Variants in PIWIL3 observed in about 807,000 individuals in gnomAD.
The protein encoded by PIWIL3 is piwi like RNA-mediated gene silencing 3, also known as piwi-like protein 3.
In PIWIL3, 101 loss-of-function variants were observed where a neutral mutation model predicts 109.7. The ratio of observed to expected loss-of-function variants is 0.92; its 90% CI spans 0.78 to 1.09. PIWIL3 has a LOEUF of 1.09. Among genes scored for constraint, PIWIL3 ranks in the 50% least tolerant of loss-of-function variants. PIWIL3 has a pLI of 0.00. For synonymous variants in PIWIL3, 373 were observed against 376.4 expected (o/e 0.99, Z 0.10); for missense variants, 1,031 against 1,072.6 (o/e 0.96, Z 0.54).
intron 18 of PIWIL3, 143 bp from the exon 19 acceptor site, chr22:24,723,398 A>G (rs1922795182): frequency 1.2e-6 from 1 of 813,636 alleles, no homozygotes; most frequent in East Asian, 2.7e-5. Flanking sequence ...TTTACTGTCT[A>G]AGCTCCATGT....
rs746139476 is a variant in PIWIL3, at chr22:24,719,528, G to A, written c.2566C>T (p.Gln856Ter). 6.2e-7 allele frequency: 1 copy of A among 1,608,050 alleles called. No individual in the cohort carries two copies. The highest frequency in any genetic ancestry group is 2.2e-5 in the East Asian group (1 of 44,836). ...CGATTCGGTTCCTGGTGAATGGACTGCCCCACGAGGTAAGCCAGCTTGTGG... is the reference window on the plus strand; with the variant it reads ...CGATTCGGTTCCTGGTGAATGGACTACCCCACGAGGTAAGCCAGCTTGTGG... Reference protein sequence around the residue: ...YAHKLAYLVGQSIHQEPNRSL... With the variant: ...YAHKLAYLVG The change falls in exon 21 of 21, where the codon CAG becomes TAG. Residue 856 changes from glutamine to a stop codon, truncating the protein, a stop_gained. Transcript: ENST00000616349. LOFTEE classifies it low-confidence loss of function (END_TRUNC).
chr22:24,742,993 T>C (rs1924100681), intron 12 of PIWIL3, among the ~76,000 whole-genome samples: 1 of 152,036 alleles, frequency 6.6e-6, no homozygotes, highest in Admixed American at 6.6e-5. Flanking sequence ...ACTATGCATA[T>C]GATGAAGGAC....
At chr22:24,744,195 A>AAACAAAAAAAC (rs1924204093) in intron 12 of PIWIL3, among the ~76,000 whole-genome samples, 1 of 145,894 alleles carries the variant, frequency 6.9e-6, no homozygotes, top group South Asian at 2.1e-4. Flanking sequence ...AAAAAAAAAA[A>AAACAAAAAAAC]AAAAAAAAAA....
At chr22:24,720,259 G>GT (rs56087060) in intron 19 of PIWIL3, among the ~76,000 whole-genome samples, 2,181 of 105,104 alleles carry the variant, frequency 0.021, 242 homozygotes, top group African/African-American at 0.041. Flanking sequence ...TATTTAAACT[G>GT]TTTTTTTTTT....
At position 24,761,102 on chromosome 22, in the gene PIWIL3, G is replaced by T. The variant is rs1364885182; in HGVS notation, c.103-1113C>A. Among the ~76,000 whole-genome samples, 3 of 152,112 alleles carry T rather than the reference G, an allele frequency of 2.0e-5. No individual in the cohort carries two copies. The South Asian group carries it at 6.2e-4, about 32-fold the overall frequency. ...GGGTATGGCATGCTGGGGAGGGCAG[G>T]TTGGGAGTGTGAGTTGTCCACGGAC... On this transcript the variant is annotated intron_variant, in intron 2 of 20. Transcript: ENST00000616349.
At chr22:24,741,180 G>GAA (rs1923983257) in intron 12 of PIWIL3, among the ~76,000 whole-genome samples, 1 of 152,198 alleles carries the variant, frequency 6.6e-6, no homozygotes, top group Non-Finnish European at 1.5e-5. Context: ...CTCAATAGAT[G>GAA]CAGAAAAAGC....
At chr22:24,744,738 A>C (rs1254387004) in intron 12 of PIWIL3, among the ~76,000 whole-genome samples, 1 of 152,364 alleles carries the variant, frequency 6.6e-6, no homozygotes, top group East Asian at 1.9e-4. Context: ...AGTAACCCAG[A>C]TATATAAAAC....
intron 8 of PIWIL3, among the ~76,000 whole-genome samples, chr22:24,752,999 C>A (rs908102256): frequency 1.3e-5 from 2 of 152,104 alleles, no homozygotes; most frequent in Admixed American, 6.5e-5. Flanking sequence ...CTAATCAGAT[C>A]TTTTGTCCAT....
chr22:24,756,622 CGTT>C lies in PIWIL3; in HGVS notation c.436_438del (p.Asn146del). ...TCTTCTATGTCTGGTTTGTAGTCAA[CGTT>C]GTATTTATATGCAACCCACTGAGGA... On this transcript the variant is annotated inframe_deletion, in exon 5 of 21. Coordinates refer to ENST00000616349, the MANE Select transcript of PIWIL3 (RefSeq NM_001255975.1). 6.2e-7 allele frequency: 1 copy of C among 1,613,904 alleles called. No individual in the cohort carries two copies.
intron 12 of PIWIL3, among the ~76,000 whole-genome samples, chr22:24,746,828 A>G (rs1448084229): frequency 6.6e-6 from 1 of 152,080 alleles, no homozygotes; most frequent in Non-Finnish European, 1.5e-5. Flanking sequence ...ACTATAAAAC[A>G]CTGATGCAAG....
Position 24,719,593 on chromosome 22 carries a change from A to T in PIWIL3, c.2506-5T>A. ...CGCTGGAACTCGGATGATGCCCTTT[A>T]GTAGGAAAAGAAAATACACAACTAA... On this transcript the variant is annotated splice_polypyrimidine_tract_variant and splice_region_variant and intron_variant, in intron 20 of 20. Transcript: ENST00000616349. The T allele has an allele frequency of 6.3e-7, 1 of 1,576,092 alleles. No homozygotes were observed. The highest frequency in any genetic ancestry group is 1.2e-5 in the South Asian group (1 of 84,570).
At chr22:24,725,777 G>A (rs1057147436) in intron 16 of PIWIL3, among the ~76,000 whole-genome samples, 2 of 152,144 alleles carry the variant, frequency 1.3e-5, no homozygotes, top group Non-Finnish European at 2.9e-5. Context: ...TGTACAAGAC[G>A]ACTGCAGTTT....
At chr22:24,760,083 T>C (rs1925330274) in intron 2 of PIWIL3, 94 bp from the exon 3 acceptor site, 1 of 1,507,258 alleles carries the variant, frequency 6.6e-7, no homozygotes, top group African/African-American at 1.4e-5. Flanking sequence ...CAAAGGAACT[T>C]CCTCTGAAAA....
At chr22:24,725,171 T>C in intron 17 of PIWIL3, 134 bp from the exon 18 acceptor site, 1 of 1,124,776 alleles carries the variant, frequency 8.9e-7, no homozygotes, top group Non-Finnish European at 1.3e-6. Flanking sequence ...TCCTGTCTAT[T>C]CTGGGGTTCC....
At chr22:24,772,358 T>G (rs959927939) in intron 1 of PIWIL3, among the ~76,000 whole-genome samples, 1 of 152,226 alleles carries the variant, frequency 6.6e-6, no homozygotes, top group Non-Finnish European at 1.5e-5. Context: ...AGGACAATAT[T>G]ATGTCCCTGG....
intron 18 of PIWIL3, 30 bp from the exon 19 acceptor site, chr22:24,723,285 G>A (rs757988333): frequency 2.5e-6 from 4 of 1,593,328 alleles, no homozygotes; most frequent in African/African-American, 2.7e-5. Flanking sequence ...GTGTCACTAT[G>A]TTTACTCAGT....
intron 7 of PIWIL3, among the ~76,000 whole-genome samples, chr22:24,754,453 T>C (rs1924895147): frequency 6.6e-6 from 1 of 152,190 alleles, no homozygotes. Context: ...ACATAACTTA[T>C]GTTTAATATA....
intron 14 of PIWIL3, among the ~76,000 whole-genome samples, chr22:24,732,561 C>A (rs1923414309): frequency 6.6e-6 from 1 of 152,278 alleles, no homozygotes; most frequent in East Asian, 1.9e-4. Context: ...CGGTGGCTCA[C>A]GCCTGTAATC....
At position 24,720,529 on chromosome 22, in the gene PIWIL3, C is replaced by T. The variant is rs546377347; in HGVS notation, c.2358-634G>A. Among the ~76,000 whole-genome samples, 86 of 152,202 alleles carry T rather than the reference C, an allele frequency of 5.7e-4. 1 individual carries two copies. Among genetic ancestry groups the T allele is most frequent in the African/African-American group, 2.0e-3 (81 of 41,530 alleles). On this transcript the variant is annotated intron_variant, in intron 19 of 20. Transcript: ENST00000616349. ...CTCATGATCTGCCTGCCTCGGCCTCCCAAAGTGCTGGGATTACAGGCATGA... is the reference window on the plus strand; with the variant it reads ...CTCATGATCTGCCTGCCTCGGCCTCTCAAAGTGCTGGGATTACAGGCATGA...
Sources: gnomAD v4.1 joint callset for allele counts (sites outside exome capture counted in the v4.1 genomes callset) on GRCh38, gnomAD v4.1.1 for gene constraint, MANE v1.5 for transcripts, NCBI Gene and HGNC (gene_info 2026-07-23, HGNC 2026-07-21) for gene names.